Variants in AFF1 observed in about 807,000 individuals in gnomAD.
AFF1 encodes the protein ALF transcription elongation factor 1, also known as AF4/FMR2 family member 1.
Under a neutral mutation model 121.7 loss-of-function variants are expected in AFF1, and 48 were observed. The observed-to-expected ratio is 0.39, with a 90% confidence interval of 0.31 to 0.50. The LOEUF is 0.50. AFF1 is among the 20% of genes least tolerant of loss of function. The pLI, the probability that AFF1 is intolerant of heterozygous loss-of-function variation, is 0.76. For synonymous variants in AFF1, 613 were observed against 563.0 expected (o/e 1.09, Z -1.26); for missense variants, 1,523 against 1,511.7 (o/e 1.01, Z -0.12).
rs545928616 is a variant in AFF1, at chr4:87,038,613, C to T, written c.39-7553C>T. ...CCTAGCATCCTGTCTTTTTGCCTCC[C>T]TGTTTGTGACAGATCTCTATCTCAC... On this transcript the variant is annotated intron_variant, in intron 2 of 20. Coordinates refer to ENST00000395146, the MANE Select transcript of AFF1 (RefSeq NM_001166693.3). Among the ~76,000 whole-genome samples the T allele has an allele frequency of 1.4e-4, 21 of 152,274 alleles. No homozygotes were observed. The South Asian group carries it at 2.5e-3, about 18-fold the overall frequency.
chr4:87,127,498 C>CCTTA (rs1728399602), intron 15 of AFF1, 145 bp from the exon 16 acceptor site: 15 of 730,726 alleles, frequency 2.1e-5, no homozygotes, highest in Non-Finnish European at 3.2e-5. Context: ...TCCTCCTCCC[C>CCTTA]TCCTTATTTC....
chr4:87,077,105 G>T (rs1244107432), intron 4 of AFF1, among the ~76,000 whole-genome samples: 1 of 152,190 alleles, frequency 6.6e-6, no homozygotes, highest in Non-Finnish European at 1.5e-5. Flanking sequence ...TTTCAAATGT[G>T]TCTTCTCACT....
Position 87,114,469 on chromosome 4 carries a change from C to T in AFF1, c.1636C>T (p.Arg546Trp), listed in dbSNP as rs138422317. 5.1e-5 allele frequency: 83 copies of T among 1,613,708 alleles called. No individual in the cohort carries two copies. In the African/African-American group the frequency reaches 7.3e-4, roughly 14 times the overall value. Residue 546 changes from arginine to tryptophan, a missense_variant, in exon 12 of 21, where the codon CGG becomes TGG. Arg to Trp is a moderately radical substitution (Grantham distance 101). Coordinates refer to ENST00000395146, the MANE Select transcript of AFF1 (RefSeq NM_001166693.3). ...GGGCCCCAGGAGCACAGAGCCCCCA[C>T]GGCGGCACCCAGAGAGTAAGGGCAG... ...PEGPRSTEPP[R>W]RHPESKGSSD...
At chr4:87,040,834 A>G (rs1401888878) in intron 2 of AFF1, among the ~76,000 whole-genome samples, 1 of 147,928 alleles carries the variant, frequency 6.8e-6, no homozygotes, top group Non-Finnish European at 1.5e-5. Context: ...CAGCCCCCCA[A>G]AGTGCTGGGA....
intron 4 of AFF1, among the ~76,000 whole-genome samples, chr4:87,050,968 G>C (rs1443312350): frequency 6.6e-6 from 1 of 152,236 alleles, no homozygotes; most frequent in Non-Finnish European, 1.5e-5. Context: ...GCATTGAGAT[G>C]GAACGTGGAG....
intron 2 of AFF1, among the ~76,000 whole-genome samples, chr4:86,961,203 C>T (rs1352472995): frequency 2.0e-5 from 3 of 152,118 alleles, no homozygotes; most frequent in South Asian, 2.1e-4. Flanking sequence ...AGTGACCAGA[C>T]GAGACCTGTG....
Position 87,046,725 on chromosome 4 carries a change from A to G in AFF1, c.190A>G (p.Ile64Val). Reference sequence around the variant, plus strand: ...AAAAGGTGATGAGCTGTCTAGTCGAATACAGAACATGTTGGGAAACTACGA... The same window carrying G: ...AAAAGGTGATGAGCTGTCTAGTCGAGTACAGAACATGTTGGGAAACTACGA... ...TAKGDELSSR[I>V]QNMLGNYEEV... Residue 64 changes from isoleucine (I) to valine (V), a missense_variant, in exon 4 of 21, where the codon ATA becomes GTA. This residue lies in a region of AFF1 where 369 missense variants were observed against 367.2 expected (regional missense o/e 1.00). Transcript: ENST00000395146. The G allele has an allele frequency of 6.2e-7, 1 of 1,614,046 alleles. No homozygotes were observed. The highest frequency in any genetic ancestry group is 8.5e-7 in the Non-Finnish European group (1 of 1,179,936).
chr4:87,091,677 T>C, intron 6 of AFF1, 116 bp from the exon 7 acceptor site: 1 of 688,556 alleles, frequency 1.5e-6, no homozygotes, highest in Non-Finnish European at 2.4e-6. Flanking sequence ...TCCATTTTTC[T>C]AGATATTTGA....
At chr4:87,062,282 C>G (rs548929237) in intron 4 of AFF1, among the ~76,000 whole-genome samples, 2 of 152,186 alleles carry the variant, frequency 1.3e-5, no homozygotes, top group Non-Finnish European at 2.9e-5. Flanking sequence ...TGCTTTCTGC[C>G]TCCAAGATGG....
intron 4 of AFF1, among the ~76,000 whole-genome samples, chr4:87,068,257 G>GCTCCCCC (rs1553925971): frequency 8.3e-6 from 1 of 120,132 alleles, no homozygotes; most frequent in Non-Finnish European, 1.7e-5. Context: ...CATGAAAATT[G>GCTCCCCC]CCCCCCCCCC....
intron 5 of AFF1, among the ~76,000 whole-genome samples, chr4:87,085,448 T>G (rs1723629592): frequency 6.6e-6 from 1 of 151,880 alleles, no homozygotes; most frequent in African/African-American, 2.4e-5. Context: ...TCTTTTTTTT[T>G]TTTAATTAGT....
intron 2 of AFF1, among the ~76,000 whole-genome samples, chr4:87,009,935 T>C (rs185244819): frequency 6.6e-6 from 1 of 152,342 alleles, no homozygotes; most frequent in African/African-American, 2.4e-5. Context: ...TAGCTCAGTG[T>C]TTAAGCACAC....
chr4:87,078,939 A>G (rs1722923459), intron 4 of AFF1, among the ~76,000 whole-genome samples: 2 of 152,152 alleles, frequency 1.3e-5, no homozygotes, highest in Admixed American at 6.6e-5. Context: ...TTTATTAGAT[A>G]TGTTTTAATA....
At chr4:86,970,107 A>G (rs1464673221) in intron 2 of AFF1, among the ~76,000 whole-genome samples, 1 of 152,092 alleles carries the variant, frequency 6.6e-6, no homozygotes, top group Non-Finnish European at 1.5e-5. Context: ...TTTTAATGTT[A>G]TAACTTTTAA....
chr4:87,107,752 C>T (rs1370637998), intron 10 of AFF1, among the ~76,000 whole-genome samples: 1 of 152,182 alleles, frequency 6.6e-6, no homozygotes, highest in Admixed American at 6.5e-5. Flanking sequence ...CTGTTCAAAT[C>T]TGCCATTGCA....
intron 11 of AFF1, among the ~76,000 whole-genome samples, chr4:87,114,066 G>T (rs928707184): frequency 6.6e-6 from 1 of 152,108 alleles, no homozygotes; most frequent in East Asian, 1.9e-4. Flanking sequence ...TGTCAATTCT[G>T]TTTAAATTAT....
chr4:87,059,406 C>T (rs973860268), intron 4 of AFF1, among the ~76,000 whole-genome samples: 1 of 152,156 alleles, frequency 6.6e-6, no homozygotes, highest in Admixed American at 6.5e-5. Context: ...GCAGCTTGAT[C>T]CTATGGAGAT....
chr4:87,042,746 A>G (rs1365482609), intron 2 of AFF1, among the ~76,000 whole-genome samples: 1 of 152,262 alleles, frequency 6.6e-6, no homozygotes, highest in East Asian at 1.9e-4. Context: ...TTAATTTAAT[A>G]GGATTTCCTC....
rs1729370292 is a variant in AFF1 at position 87,137,191 on chromosome 4, A to C, written c.*1490A>C. On this transcript the variant is annotated 3_prime_UTR_variant, in exon 21 of 21. Coordinates refer to ENST00000395146, the MANE Select transcript of AFF1 (RefSeq NM_001166693.3). ...TTTTAGAAGTAGAATTTGCACACTT[A>C]CTACAATTGAGGAGTGTCATCTCTA... 1 of 227,774 alleles carries C rather than the reference A, an allele frequency of 4.4e-6. No individual in the cohort carries two copies. Among genetic ancestry groups the C allele is most frequent in the Admixed American group, 5.7e-5 (1 of 17,596 alleles). 14.1% of individuals were successfully genotyped at this position (227,774 alleles called of 1,614,324 possible). A position where few individuals can be genotyped will look rare whatever the true frequency, so the allele number is the denominator to read the frequency against.
Sources: gnomAD v4.1 joint callset for allele counts (sites outside exome capture counted in the v4.1 genomes callset) on GRCh38, gnomAD v4.1.1 for gene constraint, gnomAD v4.1.1 regional missense constraint, MANE v1.5 for transcripts, NCBI Gene and HGNC (gene_info 2026-07-23, HGNC 2026-07-21) for gene names.